The following CTNNA2 variants were observed in gnomAD, a reference collection of about 807,000 sequenced individuals.
CTNNA2 encodes catenin alpha-2.
Under a neutral mutation model 101.0 loss-of-function variants are expected in CTNNA2, and 42 were observed. That is an observed-to-expected ratio of 0.42 (90% CI 0.32 to 0.54). The LOEUF is 0.54. Among genes scored for constraint, CTNNA2 ranks in the 20% least tolerant of loss-of-function variants. The pLI is 0.14. For synonymous variants in CTNNA2, 450 were observed against 456.4 expected, an observed-to-expected ratio of 0.99 and a Z score of 0.18; for missense variants, 871 against 1,223.1, an observed-to-expected ratio of 0.71 and a Z score of 4.29.
In CTNNA2 at chr2:80,263,840, T is replaced by G. The variant is rs1211760242; in HGVS notation, c.1057-129371T>G. Among the ~76,000 whole-genome samples the G allele has an allele frequency of 5.3e-5, 8 of 152,342 alleles. 1 individual carries two copies. The highest frequency in any genetic ancestry group is 3.9e-4 in the Admixed American group (6 of 15,310). ...TTGGTTCCACTGTTCCACTGAAACA[T>G]TTTTTACAGCCACTGAATGTCTTCC... On this transcript the variant is annotated intron_variant, in intron 7 of 18. Transcript: ENST00000402739.
At chr2:79,464,831 G>T (rs940604460) in intron 4 of CTNNA2, among the ~76,000 whole-genome samples, 6 of 149,058 alleles carry the variant, frequency 4.0e-5, no homozygotes, top group African/African-American at 1.5e-4. Context: ...TGATGAAGTT[G>T]TTTTTTTTTT....
intron 1 of CTNNA2, among the ~76,000 whole-genome samples, chr2:79,520,211 T>C (rs1394774298): frequency 6.6e-6 from 1 of 152,246 alleles, no homozygotes; most frequent in Non-Finnish European, 1.5e-5. Context: ...AGCAGTGCGA[T>C]CAAGATACAG....
intron 7 of CTNNA2, among the ~76,000 whole-genome samples, chr2:80,300,868 AG>A (rs1423461735): frequency 1.3e-5 from 2 of 151,808 alleles, no homozygotes; most frequent in African/African-American, 4.8e-5. Context: ...CTCACTCTTT[AG>A]TTCAATAGAA....
chr2:79,969,081 T>C (rs114748515), intron 7 of CTNNA2, among the ~76,000 whole-genome samples: 29 of 152,316 alleles, frequency 1.9e-4, no homozygotes, highest in Non-Finnish European at 3.2e-4. Flanking sequence ...TCATTACTTA[T>C]GGAGTGCAGA....
intron 3 of CTNNA2, among the ~76,000 whole-genome samples, chr2:79,764,975 T>TA (rs1185914000): frequency 6.6e-6 from 1 of 152,032 alleles, no homozygotes; most frequent in African/African-American, 2.4e-5. Context: ...GTGTTAGAAA[T>TA]AGTGAGAGTA....
intron 7 of CTNNA2, among the ~76,000 whole-genome samples, chr2:80,263,236 A>G (rs902516876): frequency 6.6e-6 from 1 of 152,240 alleles, no homozygotes; most frequent in South Asian, 2.1e-4. Context: ...TTAAAAATCT[A>G]TAAATCCACA....
intron 4 of CTNNA2, among the ~76,000 whole-genome samples, chr2:79,494,626 CTT>C (rs888536618): frequency 2.6e-5 from 4 of 152,028 alleles, no homozygotes; most frequent in African/African-American, 9.7e-5. Context: ...AATTTGTACT[CTT>C]TGTTTGCACT....
chr2:80,440,598 A>G (rs995476953), intron 9 of CTNNA2, among the ~76,000 whole-genome samples: 1 of 152,034 alleles, frequency 6.6e-6, no homozygotes, highest in South Asian at 2.1e-4. Flanking sequence ...GTTATAGATC[A>G]TTGCAGATCC....
intron 2 of CTNNA2, among the ~76,000 whole-genome samples, chr2:79,289,689 G>T (rs894692978): frequency 6.6e-6 from 1 of 152,192 alleles, no homozygotes; most frequent in Non-Finnish European, 1.5e-5. Context: ...AGATTGCAGT[G>T]AGCTGAGATT....
chr2:79,933,730 C>G (rs1315295888), intron 7 of CTNNA2, among the ~76,000 whole-genome samples: 1 of 152,218 alleles, frequency 6.6e-6, no homozygotes, highest in Non-Finnish European at 1.5e-5. Flanking sequence ...GCTGGGATTA[C>G]AGGCATGAGC....
chr2:79,787,835 G>C (rs72912783), intron 3 of CTNNA2, among the ~76,000 whole-genome samples: 77 of 151,940 alleles, frequency 5.1e-4, no homozygotes, highest in African/African-American at 1.8e-3. Flanking sequence ...GGCCCACCTA[G>C]ACAATCCTGA....
At chr2:79,568,590 C>G (rs1675260211) in intron 1 of CTNNA2, among the ~76,000 whole-genome samples, 1 of 151,114 alleles carries the variant, frequency 6.6e-6, no homozygotes, top group Non-Finnish European at 1.5e-5. Context: ...GAGTGAGACT[C>G]CCTCTCAAAA....
intron 2 of CTNNA2, among the ~76,000 whole-genome samples, chr2:79,713,858 G>A (rs191983015): frequency 2.0e-4 from 31 of 152,280 alleles, no homozygotes; most frequent in Admixed American, 1.7e-3. Flanking sequence ...CGCCCAAGGT[G>A]AAATGAAAAG....
chr2:80,481,473 G>A (rs951318819), intron 9 of CTNNA2, among the ~76,000 whole-genome samples: 3 of 152,032 alleles, frequency 2.0e-5, no homozygotes, highest in African/African-American at 7.2e-5. Flanking sequence ...TACATGACAG[G>A]TATTATTAGT....
chr2:79,256,212 C>T (rs1016063049), intron 2 of CTNNA2, among the ~76,000 whole-genome samples: 1 of 152,070 alleles, frequency 6.6e-6, no homozygotes, highest in Non-Finnish European at 1.5e-5. Flanking sequence ...GTCTGGGAGC[C>T]AAAGATGCTG....
intron 1 of CTNNA2, among the ~76,000 whole-genome samples, chr2:79,530,491 G>A (rs1294989371): frequency 7.0e-5 from 10 of 142,924 alleles, no homozygotes; most frequent in Non-Finnish European, 3.1e-5. Flanking sequence ...GTGCCTCACT[G>A]GTTGATTTTT....
chr2:80,149,848 A>G (rs1290811734), intron 7 of CTNNA2, among the ~76,000 whole-genome samples: 1 of 151,744 alleles, frequency 6.6e-6, no homozygotes, highest in African/African-American at 2.4e-5. Flanking sequence ...TTATTAGACA[A>G]TGACCCAAGA....
intron 12 of CTNNA2, among the ~76,000 whole-genome samples, chr2:80,568,737 C>A (rs114962562): frequency 1.3e-5 from 2 of 152,056 alleles, no homozygotes; most frequent in African/African-American, 2.4e-5. Context: ...GGGCCAAAGA[C>A]GAGTATGTAC....
At chr2:80,080,693 T>C (rs1408329564) in intron 7 of CTNNA2, among the ~76,000 whole-genome samples, 1 of 152,156 alleles carries the variant, frequency 6.6e-6, no homozygotes, top group Non-Finnish European at 1.5e-5. Context: ...TCATCCTGGA[T>C]CTTTCCTATT....
Sources: gnomAD v4.1 joint callset for allele counts (sites outside exome capture counted in the v4.1 genomes callset) on GRCh38, gnomAD v4.1.1 for gene constraint, MANE v1.5 for transcripts, NCBI Gene and HGNC (gene_info 2026-07-23, HGNC 2026-07-21) for gene names.